Variants in CREB3L3 observed in about 807,000 individuals in gnomAD.
CREB3L3 encodes the protein cyclic AMP-responsive element-binding protein 3-like protein 3.
In CREB3L3, 40 loss-of-function variants were observed where a neutral mutation model predicts 44.6. That is an observed-to-expected ratio of 0.90 (90% confidence interval 0.70 to 1.17). The LOEUF (loss-of-function observed/expected upper bound fraction) is 1.17, where lower values mean the gene tolerates loss of function less well. Among genes scored for constraint, CREB3L3 ranks in the 50% most tolerant of loss-of-function variants. CREB3L3 has a pLI of 0.00. For synonymous variants in CREB3L3, 273 were observed against 256.3 expected (o/e 1.06, Z -0.62); for missense variants, 578 against 595.8 (o/e 0.97, Z 0.31).
chr19:4,159,360 A>C (rs2145123685), intron 3 of CREB3L3, among the ~76,000 whole-genome samples: 1 of 152,234 alleles, frequency 6.6e-6, no homozygotes, highest in Non-Finnish European at 1.5e-5. Context: ...CATGTTGGCC[A>C]GGCTGGTCTT....
At position 4,155,162 on chromosome 19, in the gene CREB3L3, G is replaced by A; in HGVS notation, c.156+135G>A. On this transcript the variant is annotated intron_variant, in intron 2 of 9. Transcript: ENST00000078445. ...CTACGATGCACTAATGGGTCACGGT[G>A]CTTGATTTTAGCCAAGCACATCATT... The A allele has an allele frequency of 3.5e-6, 4 of 1,130,412 alleles. No individual in the cohort carries two copies. The South Asian group carries it at 4.1e-5, about 12-fold the overall frequency. The allele number at this position is 1,130,412 out of a possible 1,614,324, so 70.0% of individuals were successfully genotyped here. A position where few individuals can be genotyped will look rare whatever the true frequency, so the allele number is the denominator to read the frequency against.
chr19:4,161,127 A>AT (rs934313757), intron 4 of CREB3L3, among the ~76,000 whole-genome samples: 18 of 151,336 alleles, frequency 1.2e-4, no homozygotes, highest in South Asian at 2.1e-4. Context: ...ATTAGCCAGG[A>AT]TTTTTTTTGT....
At chr19:4,156,877 T>A in intron 2 of CREB3L3, 118 bp from the exon 3 acceptor site, 1 of 1,035,930 alleles carries the variant, frequency 9.7e-7, no homozygotes, top group Non-Finnish European at 1.5e-6. Context: ...TAACTCATCT[T>A]GGAGAAGGGA....
At chr19:4,154,458 C>G (rs1442408299) in intron 1 of CREB3L3, among the ~76,000 whole-genome samples, 1 of 152,064 alleles carries the variant, frequency 6.6e-6, no homozygotes, top group Non-Finnish European at 1.5e-5. Context: ...CAGCCTCAAC[C>G]TCCTGGGTTC....
Position 4,157,225 on chromosome 19 carries a change from C to A in CREB3L3, c.387C>A (p.Gly129=), listed in dbSNP as rs768318738. The change falls in exon 3 of 10, where the codon GGC becomes GGA. Residue 129 remains glycine, a synonymous_variant. Coordinates refer to ENST00000078445, the MANE Select transcript of CREB3L3 (RefSeq NM_032607.3). ...GKGPCLSYHP[G]NSCSTTTPGP... is the part of the protein sequence containing the mutation. The stretch of plus-strand genomic sequence containing the variant: ...GGCCCTGCCTCTCCTATCATCCTGG[C>A]AACTCTTGCTCCACCACAACCCCAG... The A allele has an allele frequency of 1.7e-5, 28 of 1,614,146 alleles. No individual in the cohort carries two copies. The highest frequency in any genetic ancestry group is 2.4e-5 in the Non-Finnish European group (28 of 1,180,014).
At chr19:4,163,305 T>TAAGA (rs949181508) in intron 4 of CREB3L3, among the ~76,000 whole-genome samples, 2 of 104,728 alleles carry the variant, frequency 1.9e-5, no homozygotes, top group African/African-American at 6.4e-5. Flanking sequence ...GAGACTCGTC[T>TAAGA]AAGAAAGAAA....
Position 4,168,392 on chromosome 19 carries a change from G to T in CREB3L3, c.756G>T (p.Arg252=), listed in dbSNP as rs756380432. ...RVLKKIRRKI[R]NKQSAQESRK... is the part of the protein sequence containing the mutation. ...TGAAAAAAATCCGCCGGAAAATCCG[G>T]AACAAGCAGTCGGCGCAAGAAAGCA... is the stretch of plus-strand genomic sequence containing the variant. Residue 252 remains arginine, a synonymous_variant, in exon 6 of 10, where the codon CGG becomes CGT. Coordinates refer to ENST00000078445, the MANE Select transcript of CREB3L3 (RefSeq NM_032607.3). 1 of 1,611,666 alleles carries T rather than the reference G, an allele frequency of 6.2e-7. No homozygotes were observed. Among genetic ancestry groups the T allele is most frequent in the South Asian group, 1.1e-5 (1 of 91,028 alleles).
Position 4,156,081 on chromosome 19 carries a change from TTCTCTCTCTC to T in CREB3L3, c.157-885_157-876del, listed in dbSNP as rs57754643. Among the ~76,000 whole-genome samples, 17 of 124,600 alleles carry T rather than the reference TTCTCTCTCTC, an allele frequency of 1.4e-4. 1 individual carries two copies. Among genetic ancestry groups the T allele is most frequent in the South Asian group, 5.3e-4 (2 of 3,774 alleles). 81.7% of individuals were successfully genotyped at this position (124,600 alleles called of 152,430 possible). On this transcript the variant is annotated intron_variant, in intron 2 of 9. Transcript: ENST00000078445. ...CTCTTTCTTTCTCTCTCTCTCTCGT[TTCTCTCTCTC>T]TCTCTCTCTCTCTCTCTCTCTCTCT...
chr19:4,171,387 T>C lies in CREB3L3; in HGVS notation c.980T>C (p.Leu327Pro). 5.0e-6 allele frequency: 8 copies of C among 1,614,148 alleles called. No homozygotes were observed. The highest frequency in any genetic ancestry group is 6.8e-6 in the Non-Finnish European group (8 of 1,179,986). The change falls in exon 9 of 10, where the codon CTG becomes CCG. Residue 327 changes from leucine to proline, a missense_variant. Transcript: ENST00000078445. The surrounding 1 kb of genome is among the most constrained non-coding windows in gnomAD (Gnocchi z 4.9). ...CTCTGCCGCTGTCTCCACCAGGTCC[T>C]GTTGCTGTCCTTTGCCCTCATCATC... ...SAQTGTCVAV[L>P]LLSFALIILP...
chr19:4,164,683 C>G (rs759883327), intron 5 of CREB3L3, 43 bp downstream of exon 5: 4 of 1,609,272 alleles, frequency 2.5e-6, no homozygotes, highest in Middle Eastern at 1.7e-4. Flanking sequence ...ATCTCCCCTT[C>G]GTGCACTTAC....
intron 6 of CREB3L3, 32 bp downstream of exon 6, chr19:4,168,489 G>T: frequency 6.5e-7 from 1 of 1,535,100 alleles, no homozygotes; most frequent in Middle Eastern, 1.7e-4. Context: ...CTCTACACTC[G>T]TGGAGGAAAC....
intron 5 of CREB3L3, among the ~76,000 whole-genome samples, chr19:4,168,070 C>G (rs1465252996): frequency 6.6e-6 from 1 of 151,614 alleles, no homozygotes; most frequent in Non-Finnish European, 1.5e-5. Context: ...ACGATCTTGG[C>G]TCACTGCAAC....
At chr19:4,167,591 G>GT (rs1459237061) in intron 5 of CREB3L3, among the ~76,000 whole-genome samples, 1 of 151,820 alleles carries the variant, frequency 6.6e-6, no homozygotes, top group Non-Finnish European at 1.5e-5. Context: ...AGAAAGAAAC[G>GT]TAAGAAAGAA....
chr19:4,157,220 C>A lies in CREB3L3; in HGVS notation c.382C>A (p.Pro128Thr). The A allele has an allele frequency of 6.2e-7, 1 of 1,614,162 alleles. No individual in the cohort carries two copies. The highest frequency in any genetic ancestry group is 8.5e-7 in the Non-Finnish European group (1 of 1,180,016). Reference protein sequence around the residue: ...PGKGPCLSYHPGNSCSTTTPG... With the variant: ...PGKGPCLSYHTGNSCSTTTPG... Reference sequence around the variant, plus strand: ...CAAGGGGCCCTGCCTCTCCTATCATCCTGGCAACTCTTGCTCCACCACAAC... The same window carrying A: ...CAAGGGGCCCTGCCTCTCCTATCATACTGGCAACTCTTGCTCCACCACAAC... The change falls in exon 3 of 10, where the codon CCT (proline) becomes ACT (threonine). Residue 128 changes from proline (P) to threonine (T), a missense_variant. Transcript: ENST00000078445.
At chr19:4,154,263 G>C (rs1384341419) in intron 1 of CREB3L3, among the ~76,000 whole-genome samples, 1 of 151,880 alleles carries the variant, frequency 6.6e-6, no homozygotes, top group Non-Finnish European at 1.5e-5. Context: ...CTAGAGACAG[G>C]GTTTCACCAT....
At chr19:4,165,187 T>C (rs2041709574) in intron 5 of CREB3L3, among the ~76,000 whole-genome samples, 1 of 151,454 alleles carries the variant, frequency 6.6e-6, no homozygotes, top group African/African-American at 2.4e-5. Flanking sequence ...TTTTTTTTTT[T>C]TGGAGATAGG....
chr19:4,159,454 T>C (rs1185718363), intron 3 of CREB3L3, among the ~76,000 whole-genome samples: 2 of 113,748 alleles, frequency 1.8e-5, no homozygotes, highest in Non-Finnish European at 4.1e-5. Flanking sequence ...ACTGGCTGGG[T>C]TCCCATCTTA....
chr19:4,171,762 A>T lies in CREB3L3; in HGVS notation c.1179A>T (p.Glu393Asp), dbSNP rs2145146220. Residue 393 changes from glutamate to aspartate, a missense_variant, in exon 10 of 10, where the codon GAA becomes GAT. Glu to Asp is a conservative substitution (Grantham distance 45). Transcript: ENST00000078445. This position sits in a 1 kb window ranked among gnomAD's most constrained non-coding sequence, Gnocchi z 4.9. ...GACCCGAGGCTGACACAACCCGAGA[A>T]GAGTCTCCAGGAAGCCCCGGGGCAG... ...GPRPEADTTR[E>D]ESPGSPGADW... 2 of 1,613,360 alleles carry T rather than the reference A, an allele frequency of 1.2e-6. No individual in the cohort carries two copies. The highest frequency in any genetic ancestry group is 1.3e-5 in the African/African-American group (1 of 75,020).
Position 4,154,974 on chromosome 19 carries a change from G to T in CREB3L3, c.103G>T (p.Gly35Cys), listed in dbSNP as rs201474344. 2.5e-6 allele frequency: 4 copies of T among 1,612,856 alleles called. No individual in the cohort carries two copies. Among genetic ancestry groups the T allele is most frequent in the South Asian group, 2.2e-5 (2 of 91,080 alleles). ...LLDLLFDRQDGILRHVELGEG... is the reference protein window; with the variant it reads ...LLDLLFDRQDCILRHVELGEG... Reference sequence around the variant, plus strand: ...GGATCTCCTGTTTGACCGGCAGGACGGCATCCTGAGACACGTGGAGCTGGG... The same window carrying T: ...GGATCTCCTGTTTGACCGGCAGGACTGCATCCTGAGACACGTGGAGCTGGG... Residue 35 changes from glycine (G) to cysteine (C), a missense_variant, in exon 2 of 10, where the codon GGC becomes TGC. By Grantham distance (159) the Gly-to-Cys change is radical. Transcript: ENST00000078445.
Sources: gnomAD v4.1 joint callset for allele counts (sites outside exome capture counted in the v4.1 genomes callset) on GRCh38, gnomAD v4.1.1 for gene constraint, Gnocchi (gnomAD v3.1) non-coding constraint, MANE v1.5 for transcripts, NCBI Gene and HGNC (gene_info 2026-07-23, HGNC 2026-07-21) for gene names.